Variants in ADARB1 observed in about 807,000 individuals in gnomAD.
ADARB1 encodes the protein adenosine deaminase RNA specific B1.
Under a neutral mutation model 52.4 loss-of-function variants are expected in ADARB1, and 10 were observed. The observed-to-expected ratio is 0.19, with a 90% CI of 0.12 to 0.32. The LOEUF (loss-of-function observed/expected upper bound fraction) is 0.32, where lower values mean the gene tolerates loss of function less well. ADARB1 is among the 10% of genes least tolerant of loss of function. The pLI is 1.00. For missense variants in ADARB1, 643 were observed against 922.3 expected, an observed-to-expected ratio of 0.70 and a Z score of 3.92; for synonymous variants, 349 against 371.1, an observed-to-expected ratio of 0.94 and a Z score of 0.68.
chr21:45,121,729 C>T (rs1386211883), intron 1 of ADARB1, among the ~76,000 whole-genome samples: 1 of 152,100 alleles, frequency 6.6e-6, no homozygotes, highest in Non-Finnish European at 1.5e-5. Flanking sequence ...GTCATTATAG[C>T]TATTATTTCT....
Position 45,113,493 on chromosome 21 carries a change from A to G in ADARB1, c.-219-14909A>G, listed in dbSNP as rs4819028. Among the ~76,000 whole-genome samples, 288 of 87,772 alleles carry G rather than the reference A, an allele frequency of 3.3e-3. 3 individuals are homozygous for G. The highest frequency in any genetic ancestry group is 5.5e-3 in the Middle Eastern group (1 of 182). 57.6% of individuals were successfully genotyped at this position (87,772 alleles called of 152,430 possible). A position where few individuals can be genotyped will look rare whatever the true frequency, so the allele number is the denominator to read the frequency against. ...TATATATATATATGTGTGTGTGTGT[A>G]TATATGTGTGTGTGTGTGTGTGTGT... On this transcript the variant is annotated intron_variant, in intron 1 of 10. Transcript: ENST00000348831.
At chr21:45,116,083 G>A (rs2087807127) in intron 1 of ADARB1, among the ~76,000 whole-genome samples, 1 of 152,224 alleles carries the variant, frequency 6.6e-6, no homozygotes, top group Non-Finnish European at 1.5e-5. Flanking sequence ...GGGTGAAAAG[G>A]TAAGTGCTTT....
chr21:45,131,002 A>G (rs2088896464), intron 2 of ADARB1, among the ~76,000 whole-genome samples: 1 of 152,140 alleles, frequency 6.6e-6, no homozygotes, highest in Non-Finnish European at 1.5e-5. Flanking sequence ...CCCACACCAC[A>G]TCTTCTTTTT....
chr21:45,217,416 AC>A (rs1352523879), intron 9 of ADARB1, among the ~76,000 whole-genome samples: 1 of 152,068 alleles, frequency 6.6e-6, no homozygotes, highest in Non-Finnish European at 1.5e-5. Flanking sequence ...ATGCATTCTT[AC>A]CACGATCTCC....
intron 1 of ADARB1, among the ~76,000 whole-genome samples, chr21:45,077,932 A>G (rs2086008566): frequency 6.6e-6 from 1 of 152,198 alleles, no homozygotes; most frequent in Non-Finnish European, 1.5e-5. Context: ...GTGGACAGGG[A>G]CAGCGCAGTA....
intron 2 of ADARB1, among the ~76,000 whole-genome samples, chr21:45,150,560 G>A (rs1033277727): frequency 2.0e-5 from 3 of 152,142 alleles, no homozygotes; most frequent in African/African-American, 7.2e-5. Flanking sequence ...TAATTCTGAT[G>A]TCTGACATCT....
At chr21:45,098,264 A>C (rs760402411) in intron 1 of ADARB1, among the ~76,000 whole-genome samples, 4 of 151,884 alleles carry the variant, frequency 2.6e-5, no homozygotes, top group African/African-American at 9.7e-5. Context: ...CCCGGCTCCC[A>C]TCTGTCTCCA....
At chr21:45,147,148 C>T (rs535618469) in intron 2 of ADARB1, among the ~76,000 whole-genome samples, 1 of 152,188 alleles carries the variant, frequency 6.6e-6, no homozygotes, top group Non-Finnish European at 1.5e-5. Flanking sequence ...CCTGGTTAAT[C>T]ACAGTGTGGA....
chr21:45,100,234 C>T (rs902356232), intron 1 of ADARB1, among the ~76,000 whole-genome samples: 3 of 152,168 alleles, frequency 2.0e-5, no homozygotes, highest in Non-Finnish European at 2.9e-5. Flanking sequence ...GAAATGATAG[C>T]TACAAGGTTC....
At chr21:45,088,142 C>T (rs765029628) in intron 1 of ADARB1, among the ~76,000 whole-genome samples, 3 of 152,142 alleles carry the variant, frequency 2.0e-5, no homozygotes, top group Admixed American at 6.5e-5. Context: ...CATAGGTGTA[C>T]GCGTTACATG....
At chr21:45,201,715 C>T (rs1357262943) in intron 8 of ADARB1, among the ~76,000 whole-genome samples, 1 of 152,166 alleles carries the variant, frequency 6.6e-6, no homozygotes, top group Non-Finnish European at 1.5e-5. Context: ...CCTCTTCCTG[C>T]ACTGGGGTAG....
At position 45,222,926 on chromosome 21, in the gene ADARB1, T is replaced by C. The variant is rs2092990992; in HGVS notation, c.*729T>C. The stretch of plus-strand genomic sequence containing the variant: ...GGCCCCTGTAGCCCTCAGCCTCCTC[T>C]AGAAGCTTCTGTACTCCTTGTAGGA... On this transcript the variant is annotated 3_prime_UTR_variant, in exon 11 of 11. Coordinates refer to ENST00000348831, the MANE Select transcript of ADARB1 (RefSeq NM_001112.4). 1.0e-6 allele frequency: 1 copy of C among 985,382 alleles called. No homozygotes were observed. The highest frequency in any genetic ancestry group is 1.1e-4 in the East Asian group (1 of 8,834). 61.0% of individuals were successfully genotyped at this position (985,382 alleles called of 1,614,324 possible).
intron 9 of ADARB1, among the ~76,000 whole-genome samples, chr21:45,205,178 C>T (rs1416954027): frequency 6.6e-6 from 1 of 152,054 alleles, no homozygotes; most frequent in Non-Finnish European, 1.5e-5. Flanking sequence ...GGAGGATCAC[C>T]TGAGCCCAGG....
intron 1 of ADARB1, among the ~76,000 whole-genome samples, chr21:45,119,110 G>A (rs895022809): frequency 2.6e-5 from 4 of 152,144 alleles, no homozygotes; most frequent in Non-Finnish European, 2.9e-5. Context: ...TTAATTTAGA[G>A]GCAGGGTCTC....
At chr21:45,182,868 A>G in intron 6 of ADARB1, 115 bp downstream of exon 6, 3 of 1,042,726 alleles carry the variant, frequency 2.9e-6, no homozygotes, top group East Asian at 2.6e-5. Flanking sequence ...TCTCAAAATC[A>G]TAACTTTAAT....
At chr21:45,103,007 T>C (rs945429549) in intron 1 of ADARB1, among the ~76,000 whole-genome samples, 1 of 152,164 alleles carries the variant, frequency 6.6e-6, no homozygotes, top group Non-Finnish European at 1.5e-5. Flanking sequence ...CCTTCACCTC[T>C]GGGGGCTTCA....
chr21:45,160,088 G>C (rs1242401626), intron 2 of ADARB1, among the ~76,000 whole-genome samples: 1 of 152,230 alleles, frequency 6.6e-6, no homozygotes, highest in Non-Finnish European at 1.5e-5. Context: ...ACAGAAACCT[G>C]GTTCTCTTTC....
At chr21:45,197,186 A>T (rs2092443271) in intron 8 of ADARB1, among the ~76,000 whole-genome samples, 1 of 151,974 alleles carries the variant, frequency 6.6e-6, no homozygotes, top group Non-Finnish European at 1.5e-5. Flanking sequence ...CAAAACAAAG[A>T]GAGTTTGACA....
chr21:45,161,812 A>C (rs895019480), intron 2 of ADARB1, among the ~76,000 whole-genome samples: 2 of 152,156 alleles, frequency 1.3e-5, no homozygotes, highest in Non-Finnish European at 2.9e-5. Flanking sequence ...CCCATGCACC[A>C]ATCAGCACAC....
Sources: allele counts gnomAD v4.1 joint callset (sites outside exome capture counted in the v4.1 genomes callset), GRCh38; gene constraint gnomAD v4.1.1; transcripts MANE v1.5; gene names NCBI Gene and HGNC (gene_info 2026-07-23, HGNC 2026-07-21).